KRABD3: variants seen among roughly 807,000 people sequenced by gnomAD.
KRABD3 encodes the protein KRAB domain containing 3.
the KRABD3 span, chr7:149,722,483 C>G: frequency 6.8e-7 from 1 of 1,481,406 alleles, no homozygotes. Flanking sequence ...GCGGGGAGCC[C>G]AGCCCTCCCA....
the KRABD3 span, chr7:149,715,409 T>C: frequency 9.5e-7 from 1 of 1,047,810 alleles, no homozygotes; most frequent in Non-Finnish European, 1.2e-6. Context: ...GCTGGGGACG[T>C]GGAAATGGGG....
chr7:149,724,810 A>G, the KRABD3 span: 1 of 1,599,066 alleles, frequency 6.3e-7, no homozygotes, highest in African/African-American at 1.3e-5. Context: ...TGGAGACACC[A>G]GAGGGGTCCC....
At chr7:149,725,052 A>T in the KRABD3 span, among the ~76,000 whole-genome samples, 1 of 152,158 alleles carries the variant, frequency 6.6e-6, no homozygotes, top group Non-Finnish European at 1.5e-5. Context: ...TTCGTTTTGC[A>T]GTGATTCCTG....
At chr7:149,719,182 T>A in the KRABD3 span, among the ~76,000 whole-genome samples, 5 of 152,224 alleles carry the variant, frequency 3.3e-5, no homozygotes, top group African/African-American at 1.2e-4. The surrounding 1 kb of genome is among the most constrained non-coding windows in gnomAD (Gnocchi z 5.6). Flanking sequence ...TCTCTGCCTG[T>A]CTTCACACAG....
chr7:149,723,816 G>A, the KRABD3 span: 1 of 1,613,984 alleles, frequency 6.2e-7, no homozygotes, highest in African/African-American at 1.3e-5. Flanking sequence ...CCCAGGACAG[G>A]CATCCCAGTC....
the KRABD3 span, chr7:149,724,536 C>A: frequency 1.5e-6 from 1 of 665,596 alleles, no homozygotes; most frequent in Non-Finnish European, 2.3e-6. Context: ...GAGCCGGTGA[C>A]TGCCGTGGAG....
At chr7:149,715,246 C>T in the KRABD3 span, 1 of 1,218,284 alleles carries the variant, frequency 8.2e-7, no homozygotes, top group Non-Finnish European at 1.0e-6. Context: ...CAGCTCTCCG[C>T]CGCCGGTACC....
the KRABD3 span, chr7:149,723,993 A>C: frequency 1.6e-6 from 2 of 1,274,310 alleles, no homozygotes; most frequent in Non-Finnish European, 2.2e-6. Context: ...AGGCCCCCAT[A>C]TTGGCCTGTC....
chr7:149,721,504 T>C, the KRABD3 span: 3,740 of 1,612,100 alleles, frequency 2.3e-3, 78 homozygotes, highest in African/African-American at 0.042. Context: ...GCCCAACTGG[T>C]GACGGGGTCC....
At chr7:149,721,624 A>AT in the KRABD3 span, 4 of 1,415,398 alleles carry the variant, frequency 2.8e-6, no homozygotes, top group Admixed American at 7.8e-5. Flanking sequence ...TGCCCTCTTC[A>AT]TTTTTTTCTA....
the KRABD3 span, chr7:149,725,638 C>G: frequency 3.4e-6 from 3 of 871,666 alleles, no homozygotes; most frequent in African/African-American, 1.7e-5. Flanking sequence ...CCCAAACAGC[C>G]GCCCGCATGT....
At chr7:149,719,485 G>T in the KRABD3 span, 1 of 1,500,766 alleles carries the variant, frequency 6.7e-7, no homozygotes, top group South Asian at 1.3e-5. This position sits in a 1 kb window ranked among gnomAD's most constrained non-coding sequence, Gnocchi z 5.6. Context: ...CAAGTGCAGG[G>T]ACAGCTAGGC....
At chr7:149,730,243 C>T in the KRABD3 span, 2 of 1,557,010 alleles carry the variant, frequency 1.3e-6, no homozygotes, top group African/African-American at 1.4e-5. Flanking sequence ...GTGGGAGGCC[C>T]CAGCCCCAGC....
the KRABD3 span, chr7:149,723,744 G>A: frequency 1.1e-5 from 18 of 1,612,570 alleles, no homozygotes; most frequent in African/African-American, 1.5e-4. Flanking sequence ...TGAAGACCGA[G>A]GCGGTTTCAG....
the KRABD3 span, among the ~76,000 whole-genome samples, chr7:149,724,381 C>G: frequency 2.0e-5 from 3 of 152,116 alleles, no homozygotes; most frequent in Admixed American, 6.5e-5. Context: ...GGTGTGCTGG[C>G]CATGGAGAAA....
chr7:149,729,867 T>C, the KRABD3 span: 8 of 985,406 alleles, frequency 8.1e-6, no homozygotes, highest in Non-Finnish European at 9.6e-6. Flanking sequence ...CTGTGAGACC[T>C]AGGCCTGGCT....
chr7:149,715,221 C>A, the KRABD3 span: 1 of 1,216,386 alleles, frequency 8.2e-7, no homozygotes. Flanking sequence ...TTCAGGTCCT[C>A]GGACAACCTC....
the KRABD3 span, chr7:149,730,284 G>A: frequency 2.8e-5 from 44 of 1,551,202 alleles, no homozygotes; most frequent in Admixed American, 7.8e-5. Context: ...GAGCTTCAGC[G>A]GCTCTGAAGG....
chr7:149,724,616 C>T, the KRABD3 span: 2,417 of 1,465,912 alleles, frequency 1.6e-3, 4 homozygotes, highest in South Asian at 3.8e-3. Flanking sequence ...GAGTCCAGGC[C>T]TGAACCTTGG....
Sources: gnomAD v4.1 joint callset for allele counts (sites outside exome capture counted in the v4.1 genomes callset) on GRCh38, gnomAD v4.1.1 for gene constraint, Gnocchi (gnomAD v3.1) non-coding constraint, MANE v1.5 for transcripts, NCBI Gene and HGNC (gene_info 2026-07-23, HGNC 2026-07-21) for gene names.